RAB12: variants seen among roughly 807,000 people sequenced by gnomAD.
RAB12 encodes the protein ras-related protein Rab-12.
RAB12 carries 11 observed loss-of-function variants against 28.4 expected under a neutral mutation model. The ratio of observed to expected loss-of-function variants is 0.39; its 90% CI spans 0.24 to 0.64. RAB12 has a LOEUF of 0.64. Among genes scored for constraint, RAB12 ranks in the 30% least tolerant of loss-of-function variants. The pLI is 0.50. For synonymous variants in RAB12, 138 were observed against 145.3 expected, an observed-to-expected ratio of 0.95 and a Z score of 0.36; for missense variants, 276 against 351.1, an observed-to-expected ratio of 0.79 and a Z score of 1.71.
intron 3 of RAB12, among the ~76,000 whole-genome samples, chr18:8,634,816 A>G (rs1453545265): frequency 6.6e-6 from 1 of 152,220 alleles, no homozygotes; most frequent in Non-Finnish European, 1.5e-5. Context: ...CTTTTGTTGC[A>G]GTCTGTTTCA....
In RAB12 at chr18:8,635,637, G is replaced by C; in HGVS notation, c.804+15G>C. 6.3e-7 allele frequency: 1 copy of C among 1,582,320 alleles called. No individual in the cohort carries two copies. Among genetic ancestry groups the C allele is most frequent in the Non-Finnish European group, 8.6e-7 (1 of 1,157,374 alleles). ...AGGGGGAAAAGGTGAGAGGGCGTGG[G>C]AGGCACGGTTGCCACACACTGTGCT... On this transcript the variant is annotated intron_variant, in intron 4 of 5. Transcript: ENST00000649141.
At chr18:8,627,933 A>C (rs2096013757) in intron 2 of RAB12, among the ~76,000 whole-genome samples, 1 of 152,218 alleles carries the variant, frequency 6.6e-6, no homozygotes, top group Non-Finnish European at 1.5e-5. Flanking sequence ...TAAATACAGC[A>C]AATAAGAGGC....
At chr18:8,622,403 G>A (rs539137343) in intron 1 of RAB12, among the ~76,000 whole-genome samples, 1 of 152,338 alleles carries the variant, frequency 6.6e-6, no homozygotes, top group African/African-American at 2.4e-5. Context: ...ACAAAAGAGA[G>A]AAATTTTAAA....
At chr18:8,611,827 G>A (rs2096003991) in intron 1 of RAB12, among the ~76,000 whole-genome samples, 1 of 152,200 alleles carries the variant, frequency 6.6e-6, no homozygotes, top group East Asian at 1.9e-4. Context: ...CCTACTCTGA[G>A]TGTGGTTGAA....
At chr18:8,634,283 C>CT (rs752637908) in intron 3 of RAB12, among the ~76,000 whole-genome samples, 8,611 of 92,506 alleles carry the variant, frequency 0.093, 438 homozygotes, top group Non-Finnish European at 0.11. Flanking sequence ...CTCTCTCTCT[C>CT]TTTTTTTTTT....
intron 2 of RAB12, among the ~76,000 whole-genome samples, chr18:8,631,003 C>T (rs1470194229): frequency 6.6e-6 from 1 of 152,246 alleles, no homozygotes; most frequent in Non-Finnish European, 1.5e-5. Context: ...ATTCTCCTGC[C>T]TCAGCCTTCT....
intron 1 of RAB12, among the ~76,000 whole-genome samples, chr18:8,611,579 C>T (rs2096003834): frequency 1.3e-5 from 2 of 152,062 alleles, no homozygotes; most frequent in Admixed American, 1.3e-4. Flanking sequence ...ATGGATGCTG[C>T]GAGACCTTGA....
At chr18:8,635,808 G>A (rs1567897788) in intron 4 of RAB12, 186 bp downstream of exon 4, 3 of 504,430 alleles carry the variant, frequency 5.9e-6, no homozygotes, top group Non-Finnish European at 6.9e-6. Flanking sequence ...TTCTGAAATG[G>A]AGGGAGAAAA....
chr18:8,635,661 C>A lies in RAB12; in HGVS notation c.804+39C>A, dbSNP rs776272022. 9.0e-6 allele frequency: 12 copies of A among 1,328,186 alleles called. No homozygotes were observed. The African/African-American group carries it at 1.2e-4, about 13-fold the overall frequency. 82.3% of individuals were successfully genotyped at this position (1,328,186 alleles called of 1,614,324 possible). ...GGAGGCACGGTTGCCACACACTGTG[C>A]TTAGCGCTTGAGGTACTGTTTCTTT... On this transcript the variant is annotated intron_variant, in intron 4 of 5. Coordinates refer to ENST00000649141, the MANE Select transcript of RAB12 (RefSeq NM_001025300.3).
At chr18:8,617,663 T>C (rs1415510129) in intron 1 of RAB12, among the ~76,000 whole-genome samples, 1 of 152,154 alleles carries the variant, frequency 6.6e-6, no homozygotes, top group Non-Finnish European at 1.5e-5. Context: ...TGCAAAGTTC[T>C]TTTTCAGCCT....
chr18:8,638,228 T>G lies in RAB12; in HGVS notation c.989T>G (p.Leu330Arg). 6.2e-7 allele frequency: 1 copy of G among 1,613,872 alleles called. No individual in the cohort carries two copies. Among genetic ancestry groups the G allele is most frequent in the Non-Finnish European group, 8.5e-7 (1 of 1,179,806 alleles). Residue 330 changes from leucine to arginine, a missense_variant, in exon 6 of 6, where the codon CTG becomes CGG. By Grantham distance (102) the Leu-to-Arg change is moderately radical. This residue lies in a region of RAB12 where 127 missense variants were observed against 161.4 expected (regional missense o/e 0.79). Coordinates refer to ENST00000649141, the MANE Select transcript of RAB12 (RefSeq NM_001025300.3). ...LQPEPEIPPELPPPRPHVRCC is the reference protein window; with the variant it reads ...LQPEPEIPPERPPPRPHVRCC Reference sequence around the variant, plus strand: ...CCAGAGCCTGAGATACCGCCAGAACTGCCTCCACCAAGACCACATGTCCGA... The same window carrying G: ...CCAGAGCCTGAGATACCGCCAGAACGGCCTCCACCAAGACCACATGTCCGA...
At chr18:8,634,151 G>T (rs922310867) in intron 3 of RAB12, among the ~76,000 whole-genome samples, 1 of 151,968 alleles carries the variant, frequency 6.6e-6, no homozygotes, top group African/African-American at 2.4e-5. Context: ...AATGTGTTAG[G>T]ATTGGTGGCC....
At chr18:8,618,265 GTCT>G (rs1197708480) in intron 1 of RAB12, among the ~76,000 whole-genome samples, 2 of 152,148 alleles carry the variant, frequency 1.3e-5, no homozygotes, top group Non-Finnish European at 2.9e-5. Context: ...GCGAGGACAG[GTCT>G]TCTTGTACCT....
chr18:8,636,403 G>A (rs986586147), intron 5 of RAB12, 46 bp downstream of exon 5: 2 of 1,169,478 alleles, frequency 1.7e-6, no homozygotes, highest in African/African-American at 1.6e-5. Context: ...TCTGAAACCT[G>A]TTGTTTCCTT....
At chr18:8,636,203 C>A (rs1346215898) in intron 4 of RAB12, 50 bp from the exon 5 acceptor site, 4 of 1,259,174 alleles carry the variant, frequency 3.2e-6, no homozygotes, top group Non-Finnish European at 2.3e-6. Flanking sequence ...TGCTCGCACG[C>A]TGGTCTGTGA....
chr18:8,619,866 C>T (rs1296710516), intron 1 of RAB12, among the ~76,000 whole-genome samples: 1 of 152,098 alleles, frequency 6.6e-6, no homozygotes, highest in East Asian at 1.9e-4. Flanking sequence ...GAATAAGACA[C>T]CGGCACAGTT....
chr18:8,622,689 G>A (rs2096010546), intron 1 of RAB12, among the ~76,000 whole-genome samples: 1 of 152,112 alleles, frequency 6.6e-6, no homozygotes, highest in Non-Finnish European at 1.5e-5. Context: ...GGTTTTGAGA[G>A]CAACCGGTCT....
rs1229941861 is a variant in RAB12, at chr18:8,638,544, T to A, written c.*282T>A. On this transcript the variant is annotated 3_prime_UTR_variant, in exon 6 of 6. Transcript: ENST00000649141. ...TATGAAGAATGGGAGAAATGAAAGGTATAATGTTTCTTGAAATAAATAATA... is the reference window on the plus strand; with the variant it reads ...TATGAAGAATGGGAGAAATGAAAGGAATAATGTTTCTTGAAATAAATAATA... The A allele has an allele frequency of 3.6e-6, 1 of 276,258 alleles. No homozygotes were observed. Among genetic ancestry groups the A allele is most frequent in the African/African-American group, 2.2e-5 (1 of 45,138 alleles). 17.1% of individuals were successfully genotyped at this position (276,258 alleles called of 1,614,324 possible). A position where few individuals can be genotyped will look rare whatever the true frequency, so the allele number is the denominator to read the frequency against.
rs574167756 is a variant in RAB12, at chr18:8,621,729, CATAGGACCTG to C, written c.515-3203_515-3194del. ...ATGGTTTTGTCACCCAGGCAGTGAG[CATAGGACCTG>C]ATAGGTAGTTTTTCAGTCCTCTCCT... On this transcript the variant is annotated intron_variant, in intron 1 of 5. Coordinates refer to ENST00000649141, the MANE Select transcript of RAB12 (RefSeq NM_001025300.3). Among the ~76,000 whole-genome samples the C allele has an allele frequency of 4.3e-3, 653 of 152,202 alleles. 3 individuals carry two copies. Among genetic ancestry groups the C allele is most frequent in the African/African-American group, 0.014 (587 of 41,518 alleles).
Sources: allele counts gnomAD v4.1 joint callset (sites outside exome capture counted in the v4.1 genomes callset), GRCh38; gene constraint gnomAD v4.1.1; regional missense constraint gnomAD v4.1.1; transcripts MANE v1.5; gene names NCBI Gene and HGNC (gene_info 2026-07-23, HGNC 2026-07-21).